Variants in TCF7L2 observed in about 807,000 individuals in gnomAD.
TCF7L2 encodes the protein transcription factor 7 like 2.
Under a neutral mutation model 77.9 loss-of-function variants are expected in TCF7L2, and 23 were observed. The observed-to-expected ratio is 0.30, with a 90% CI of 0.21 to 0.42. The LOEUF is 0.42. Ranked by LOEUF, TCF7L2 falls within the 10% of genes least tolerant of loss-of-function variation. TCF7L2 has a pLI of 1.00. For synonymous variants in TCF7L2, 413 were observed against 340.2 expected, an observed-to-expected ratio of 1.21 and a Z score of -2.36; for missense variants, 654 against 793.1, an observed-to-expected ratio of 0.82 and a Z score of 2.11.
At chr10:113,093,250 C>T (rs997563348) in intron 5 of TCF7L2, among the ~76,000 whole-genome samples, 1 of 152,120 alleles carries the variant, frequency 6.6e-6, no homozygotes, top group Non-Finnish European at 1.5e-5. Flanking sequence ...TGATTATTCC[C>T]ATTTTGCAAT....
intron 5 of TCF7L2, among the ~76,000 whole-genome samples, chr10:113,080,734 AGCACCCG>A (rs1489395425): frequency 6.6e-6 from 1 of 152,206 alleles, no homozygotes. Context: ...TGTTTTCATA[AGCACCCG>A]AGAAGGTTTA....
chr10:113,028,564 A>T (rs148899946), intron 4 of TCF7L2, among the ~76,000 whole-genome samples: 2 of 152,158 alleles, frequency 1.3e-5, no homozygotes, highest in Non-Finnish European at 2.9e-5. Flanking sequence ...ACAAAAGGAA[A>T]ACGCAGCACG....
intron 4 of TCF7L2, among the ~76,000 whole-genome samples, chr10:112,993,649 T>G (rs1188315383): frequency 6.6e-6 from 1 of 152,220 alleles, no homozygotes; most frequent in Non-Finnish European, 1.5e-5. Flanking sequence ...AGCAAGCACT[T>G]AAAACACAGT....
At chr10:113,088,198 C>T (rs1364255548) in intron 5 of TCF7L2, among the ~76,000 whole-genome samples, 1 of 151,938 alleles carries the variant, frequency 6.6e-6, no homozygotes, top group East Asian at 1.9e-4. Flanking sequence ...CCTTCTTGGA[C>T]CCCAAGTTGT....
rs981895278 is a variant in TCF7L2, at chr10:113,127,584, G to A, written c.553-13600G>A. 3.3e-5 allele frequency among the ~76,000 whole-genome samples: 5 copies of A among 151,944 alleles called. No individual in the cohort carries two copies. In the South Asian group the frequency reaches 1.0e-3, roughly 32 times the overall value. ...TGTTGTTGTTTTGTTTTGTTTTGGGGAAGTGTTTTTTTGTTGTTGCTGTCT... is the reference window on the plus strand; with the variant it reads ...TGTTGTTGTTTTGTTTTGTTTTGGGAAAGTGTTTTTTTGTTGTTGCTGTCT... On this transcript the variant is annotated intron_variant, in intron 5 of 13. Coordinates refer to ENST00000627217, the MANE Select transcript of TCF7L2 (RefSeq NM_001146274.2).
At position 113,167,620 on chromosome 10, in the gene TCF7L2, A is replaced by G. The variant is rs1336780229; in HGVS notation, c.*1648A>G. ...TGTAATGAATAAATGTTCATGCTGT[A>G]CAGTATCTGTAGCATGCCGTTCTGG... is the stretch of plus-strand genomic sequence containing the variant. On this transcript the variant is annotated 3_prime_UTR_variant, in exon 14 of 14. Transcript: ENST00000627217. 1 of 198,342 alleles carries G rather than the reference A, an allele frequency of 5.0e-6. No homozygotes were observed. The highest frequency in any genetic ancestry group is 7.9e-5 in the East Asian group (1 of 12,660). The allele number at this position is 198,342 out of a possible 1,614,324, so 12.3% of individuals were successfully genotyped here.
At chr10:113,072,381 G>A (rs1334602435) in intron 5 of TCF7L2, among the ~76,000 whole-genome samples, 1 of 151,890 alleles carries the variant, frequency 6.6e-6, no homozygotes, top group Non-Finnish European at 1.5e-5. Flanking sequence ...TTGAGATGGA[G>A]TTTTGCTCTG....
At chr10:113,116,167 A>G (rs907357462) in intron 5 of TCF7L2, among the ~76,000 whole-genome samples, 1 of 152,158 alleles carries the variant, frequency 6.6e-6, no homozygotes, top group South Asian at 2.1e-4. Flanking sequence ...ATCTGATGAA[A>G]AATTAAATTT....
intron 5 of TCF7L2, among the ~76,000 whole-genome samples, chr10:113,101,453 G>T (rs896525001): frequency 6.6e-6 from 1 of 152,062 alleles, no homozygotes; most frequent in Non-Finnish European, 1.5e-5. Context: ...CGAGGCAAGA[G>T]AATTTCTTGA....
At chr10:113,071,207 C>T (rs1252428887) in intron 5 of TCF7L2, among the ~76,000 whole-genome samples, 1 of 152,158 alleles carries the variant, frequency 6.6e-6, no homozygotes, top group South Asian at 2.1e-4. Context: ...ATGTAGAAAC[C>T]CCCAGTTGAC....
chr10:112,968,993 G>GAA (rs2037638818), intron 4 of TCF7L2, among the ~76,000 whole-genome samples: 2 of 152,026 alleles, frequency 1.3e-5, no homozygotes, highest in African/African-American at 4.8e-5. Flanking sequence ...AAACCCAAAG[G>GAA]AATATATATA....
chr10:113,126,912 A>G (rs1435197326), intron 5 of TCF7L2: 3 of 985,156 alleles, frequency 3.0e-6, no homozygotes, highest in Non-Finnish European at 3.6e-6. Flanking sequence ...GCGGGCGGGC[A>G]GGGGTGCGCG....
chr10:113,026,856 T>C (rs1383827810), intron 4 of TCF7L2, among the ~76,000 whole-genome samples: 1 of 152,156 alleles, frequency 6.6e-6, no homozygotes, highest in African/African-American at 2.4e-5. Flanking sequence ...CGCAGACCTT[T>C]TGGGGAGGGA....
At chr10:112,982,026 G>A (rs1290090503) in intron 4 of TCF7L2, among the ~76,000 whole-genome samples, 1 of 152,160 alleles carries the variant, frequency 6.6e-6, no homozygotes, top group South Asian at 2.1e-4. Flanking sequence ...TGCTTCTTAT[G>A]TAATACGTCT....
intron 5 of TCF7L2, among the ~76,000 whole-genome samples, chr10:113,086,530 T>A (rs571524791): frequency 6.6e-6 from 1 of 152,220 alleles, no homozygotes; most frequent in South Asian, 2.1e-4. Flanking sequence ...AGTGTCTGAG[T>A]GAGCTTGGAC....
chr10:113,052,036 A>G (rs1033306786), intron 5 of TCF7L2, among the ~76,000 whole-genome samples: 2 of 152,210 alleles, frequency 1.3e-5, no homozygotes, highest in African/African-American at 4.8e-5. Flanking sequence ...TAAATCATGG[A>G]AAATTGGTGG....
chr10:113,024,920 T>C (rs1453510357), intron 4 of TCF7L2, among the ~76,000 whole-genome samples: 1 of 152,126 alleles, frequency 6.6e-6, no homozygotes, highest in East Asian at 1.9e-4. Flanking sequence ...TGCATGGCCT[T>C]ATATAAACCT....
At chr10:113,022,191 G>T (rs55853916) in intron 4 of TCF7L2, among the ~76,000 whole-genome samples, 2 of 152,058 alleles carry the variant, frequency 1.3e-5, no homozygotes, top group Non-Finnish European at 2.9e-5. Flanking sequence ...GTAGCCCTTG[G>T]GCAGCTGCTG....
At chr10:113,046,555 C>A (rs1029275883) in intron 5 of TCF7L2, among the ~76,000 whole-genome samples, 4 of 152,170 alleles carry the variant, frequency 2.6e-5, no homozygotes, top group African/African-American at 9.7e-5. Flanking sequence ...CATGTCTTGA[C>A]AATTTGAAGG....
Sources: gnomAD v4.1 joint callset for allele counts (sites outside exome capture counted in the v4.1 genomes callset) on GRCh38, gnomAD v4.1.1 for gene constraint, MANE v1.5 for transcripts, NCBI Gene and HGNC (gene_info 2026-07-23, HGNC 2026-07-21) for gene names.